The following CCDC110 variants were observed in gnomAD, a reference collection of about 807,000 sequenced individuals.
The protein encoded by CCDC110 is coiled-coil domain-containing protein 110.
A neutral mutation model predicts 77.1 loss-of-function variants in CCDC110; 70 were observed. The observed-to-expected ratio is 0.91, with a 90% CI of 0.75 to 1.11. CCDC110 has a LOEUF of 1.11. Ranked by LOEUF, CCDC110 falls within the 50% of genes least tolerant of loss-of-function variation. CCDC110 has a pLI of 0.00. For synonymous variants in CCDC110, 295 were observed against 312.5 expected, an observed-to-expected ratio of 0.94 and a Z score of 0.59; for missense variants, 868 against 942.9, an observed-to-expected ratio of 0.92 and a Z score of 1.04.
intron 6 of CCDC110, chr4:185,449,495 C>G (rs1330252947): frequency 1.4e-6 from 1 of 713,824 alleles, no homozygotes. Flanking sequence ...TGCACTCCAG[C>G]CTGGGCAACA....
chr4:185,449,249 G>C (rs750192667), intron 6 of CCDC110, among the ~76,000 whole-genome samples: 2 of 152,110 alleles, frequency 1.3e-5, no homozygotes, highest in African/African-American at 4.8e-5. Flanking sequence ...TAGGCTGGGC[G>C]TGTTGGCTCG....
chr4:185,452,032 T>G (rs186002287), intron 6 of CCDC110, among the ~76,000 whole-genome samples: 61 of 152,340 alleles, frequency 4.0e-4, no homozygotes, highest in Admixed American at 1.7e-3. Context: ...CAATTAAGAT[T>G]TTTCTAAGTG....
At chr4:185,465,194 T>C (rs1416241867) in intron 2 of CCDC110, among the ~76,000 whole-genome samples, 3 of 152,246 alleles carry the variant, frequency 2.0e-5, no homozygotes, top group South Asian at 2.1e-4. Flanking sequence ...TTCTGAGTGA[T>C]GTAACTGTTC....
chr4:185,461,229 C>A, intron 4 of CCDC110, 70 bp from the exon 5 acceptor site: 1 of 735,240 alleles, frequency 1.4e-6, no homozygotes, highest in East Asian at 2.6e-5. Context: ...GAATAATAGA[C>A]ATTATAATTA....
intron 6 of CCDC110, among the ~76,000 whole-genome samples, chr4:185,450,731 G>A (rs1263706786): frequency 1.7e-5 from 2 of 114,652 alleles, no homozygotes; most frequent in African/African-American, 6.0e-5. Flanking sequence ...GCGACAGAGT[G>A]AGACTCTGTC....
At position 185,468,344 on chromosome 4, in the gene CCDC110, A is replaced by C. The variant is rs2095659848; in HGVS notation, c.115+2601T>G. Among the ~76,000 whole-genome samples, 1 of 152,202 alleles carries C rather than the reference A, an allele frequency of 6.6e-6. No homozygotes were observed. Among genetic ancestry groups the C allele is most frequent in the South Asian group, 2.1e-4 (1 of 4,830 alleles). On this transcript the variant is annotated intron_variant, in intron 2 of 6. Coordinates refer to ENST00000307588, the MANE Select transcript of CCDC110 (RefSeq NM_152775.4). This position sits in a 1 kb window ranked among gnomAD's most constrained non-coding sequence, Gnocchi z 4.5. ...ACGGCACATAGTGAATGCTCAAGAG[A>C]CACTAACTCATTACTGCAGAGGCAA...
At chr4:185,471,507 C>T (rs903129613) in intron 1 of CCDC110, 167 bp downstream of exon 1, 5 of 674,452 alleles carry the variant, frequency 7.4e-6, no homozygotes, top group African/African-American at 5.7e-5. Context: ...CGCAGGGGGC[C>T]GCAGCGGGTG....
At position 185,458,549 on chromosome 4, in the gene CCDC110, T is replaced by C. The variant is rs150472730; in HGVS notation, c.2038A>G (p.Ile680Val). The part of the protein sequence containing the change: ...STAEENFLQE[I>V]KNAKSEASIY... Reference sequence around the variant, plus strand: ...CTTGCTTCTGATTTTGCATTTTTTATTTCTTGCAGAAAATTCTCTTCGGCA... The same window carrying C: ...CTTGCTTCTGATTTTGCATTTTTTACTTCTTGCAGAAAATTCTCTTCGGCA... The change falls in exon 6 of 7, where the codon ATA (isoleucine) becomes GTA (valine). Residue 680 changes from isoleucine to valine, a missense_variant. Ile to Val is a conservative substitution (Grantham distance 29). Transcript: ENST00000307588. 7.3e-5 allele frequency: 118 copies of C among 1,607,996 alleles called. No individual in the cohort carries two copies. Among genetic ancestry groups the C allele is most frequent in the Non-Finnish European group, 9.7e-5 (114 of 1,179,238 alleles).
intron 2 of CCDC110, among the ~76,000 whole-genome samples, chr4:185,466,087 A>C (rs928175017): frequency 6.6e-6 from 1 of 152,196 alleles, no homozygotes; most frequent in Non-Finnish European, 1.5e-5. Flanking sequence ...ATCATTCAAC[A>C]TGGATGGGCC....
intron 6 of CCDC110, among the ~76,000 whole-genome samples, chr4:185,450,742 T>TAAAAAA: frequency 7.3e-6 from 1 of 136,460 alleles, no homozygotes; most frequent in South Asian, 2.4e-4. Context: ...AGACTCTGTC[T>TAAAAAA]AAAAAAAAAA....
chr4:185,448,022 C>CT (rs1455783020), intron 6 of CCDC110, among the ~76,000 whole-genome samples: 3 of 151,998 alleles, frequency 2.0e-5, no homozygotes, highest in Non-Finnish European at 4.4e-5. Context: ...TACGTTTTGT[C>CT]TTTTTTTCCT....
intron 6 of CCDC110, among the ~76,000 whole-genome samples, chr4:185,446,475 T>A (rs2095611695): frequency 6.6e-6 from 1 of 152,182 alleles, no homozygotes; most frequent in African/African-American, 2.4e-5. Context: ...TTTTTCACTT[T>A]ATTCTCTCAC....
rs189094345 is a variant in CCDC110, at chr4:185,468,656, T to G, written c.115+2289A>C. On this transcript the variant is annotated intron_variant, in intron 2 of 6. Transcript: ENST00000307588. The surrounding 1 kb of genome is among the most constrained non-coding windows in gnomAD (Gnocchi z 4.5). ...TCTTTCCCTAGAAATCTGCACAGAT[T>G]GCTTCTTTACTTCCTTCTGGTCTTG... 3.4e-4 allele frequency among the ~76,000 whole-genome samples: 51 copies of G among 152,172 alleles called. No individual in the cohort carries two copies. Among genetic ancestry groups the G allele is most frequent in the African/African-American group, 1.2e-3 (49 of 41,436 alleles).
chr4:185,461,001 C>T lies in CCDC110; in HGVS notation c.348+48G>A, dbSNP rs548702285. 2.5e-5 allele frequency: 23 copies of T among 930,202 alleles called. 5 individuals are homozygous for T. Among genetic ancestry groups the T allele is most frequent in the South Asian group, 6.8e-5 (5 of 73,276 alleles). The allele number at this position is 930,202 out of a possible 1,614,324, so 57.6% of individuals were successfully genotyped here. A position where few individuals can be genotyped will look rare whatever the true frequency, so the allele number is the denominator to read the frequency against. On this transcript the variant is annotated intron_variant, in intron 5 of 6. Transcript: ENST00000307588. ...AAGTGAAATGAACTGATGGTAGTCACGTTTTGAAGTACCTACATATAGAAA... is the reference window on the plus strand; with the variant it reads ...AAGTGAAATGAACTGATGGTAGTCATGTTTTGAAGTACCTACATATAGAAA...
At position 185,447,674 on chromosome 4, in the gene CCDC110, T is replaced by A. The variant is rs533196341; in HGVS notation, c.2462-2132A>T. ...CATGTATGCATCTCATTAGGAGTAT[T>A]AGAACCAGTGTCTTTCCTATGAATT... On this transcript the variant is annotated intron_variant, in intron 6 of 6. Coordinates refer to ENST00000307588, the MANE Select transcript of CCDC110 (RefSeq NM_152775.4). Among the ~76,000 whole-genome samples, 10 of 152,308 alleles carry A rather than the reference T, an allele frequency of 6.6e-5. No homozygotes were observed. In the East Asian group the frequency reaches 1.9e-3, roughly 29 times the overall value.
Position 185,459,853 on chromosome 4 carries a change from A to G in CCDC110, c.734T>C (p.Ile245Thr), listed in dbSNP as rs752790898. 1.9e-6 allele frequency: 3 copies of G among 1,613,234 alleles called. No individual in the cohort carries two copies. Among genetic ancestry groups the G allele is most frequent in the African/African-American group, 1.3e-5 (1 of 74,900 alleles). ...TTGAAGCTCTTCTTTCATTTGTTTG[A>G]TAGAATGGCAAATGTCATCTAAATT... ...CENLDDICHS[I>T]KQMKEELQKS... Residue 245 changes from isoleucine to threonine, a missense_variant, in exon 6 of 7, where the codon ATC (isoleucine) becomes ACC (threonine). Coordinates refer to ENST00000307588, the MANE Select transcript of CCDC110 (RefSeq NM_152775.4).
chr4:185,460,387 A>C, intron 5 of CCDC110, 149 bp from the exon 6 acceptor site: 1 of 574,864 alleles, frequency 1.7e-6, no homozygotes, highest in Non-Finnish European at 2.9e-6. Context: ...AGTATGATTT[A>C]TTTTCTCCAA....
chr4:185,445,970 T>TA (rs2095609701), intron 6 of CCDC110, among the ~76,000 whole-genome samples: 1 of 152,058 alleles, frequency 6.6e-6, no homozygotes, highest in African/African-American at 2.4e-5. Flanking sequence ...GCCTCCCGAG[T>TA]AGCTGGGATT....
At chr4:185,469,434 A>G (rs983870201) in intron 2 of CCDC110, among the ~76,000 whole-genome samples, 1 of 152,168 alleles carries the variant, frequency 6.6e-6, no homozygotes, top group Non-Finnish European at 1.5e-5. Flanking sequence ...ATTTTCTATA[A>G]ATGTTGGCAT....
Sources: gnomAD v4.1 joint callset for allele counts (sites outside exome capture counted in the v4.1 genomes callset) on GRCh38, gnomAD v4.1.1 for gene constraint, Gnocchi (gnomAD v3.1) non-coding constraint, MANE v1.5 for transcripts, NCBI Gene and HGNC (gene_info 2026-07-23, HGNC 2026-07-21) for gene names.